SEMA4B: variants seen among roughly 807,000 people sequenced by gnomAD.
The protein encoded by SEMA4B is semaphorin-4B.
A neutral mutation model predicts 88.1 loss-of-function variants in SEMA4B; 55 were observed. The observed-to-expected ratio is 0.62, with a 90% confidence interval of 0.50 to 0.78. SEMA4B has a LOEUF of 0.78. Ranked by LOEUF, SEMA4B falls within the 30% of genes least tolerant of loss-of-function variation. SEMA4B has a pLI of 0.00. For missense variants in SEMA4B, 1,062 were observed against 1,111.9 expected (o/e 0.96, Z 0.64); for synonymous variants, 525 against 473.6 (o/e 1.11, Z -1.41).
At chr15:90,202,829 G>T (rs1406222102) in intron 1 of SEMA4B, among the ~76,000 whole-genome samples, 1 of 152,182 alleles carries the variant, frequency 6.6e-6, no homozygotes, top group Non-Finnish European at 1.5e-5. Flanking sequence ...TCTCCTCACA[G>T]CATCCCCACC....
At position 90,225,402 on chromosome 15, in the gene SEMA4B, GC is replaced by G; in HGVS notation, c.1521+6del. The stretch of plus-strand genomic sequence containing the variant: ...CTGCTCCTGGACACCCACAGGGTGA[GC>G]AGGCCAACGAGGAATCCTGGCAGGG... On this transcript the variant is annotated splice_donor_region_variant and intron_variant, in intron 11 of 13. Coordinates refer to ENST00000411539, the MANE Select transcript of SEMA4B (RefSeq NM_198925.4). 1 of 1,548,986 alleles carries G rather than the reference GC, an allele frequency of 6.5e-7. No individual in the cohort carries two copies. Among genetic ancestry groups the G allele is most frequent in the South Asian group, 1.2e-5 (1 of 83,978 alleles).
chr15:90,185,170 C>A, intron 1 of SEMA4B: 1 of 712,454 alleles, frequency 1.4e-6, no homozygotes, highest in Non-Finnish European at 1.7e-6. Flanking sequence ...GCTGCCCCCA[C>A]CCTTGCACCC....
chr15:90,201,810 C>T (rs1159131108), intron 1 of SEMA4B, 75 bp downstream of exon 1: 1 of 1,331,540 alleles, frequency 7.5e-7, no homozygotes, highest in Non-Finnish European at 9.7e-7. Context: ...CGGAGGTGGC[C>T]GTGACAAAGG....
At chr15:90,185,271 G>C (rs1329434539) in intron 1 of SEMA4B, among the ~76,000 whole-genome samples, 1 of 152,256 alleles carries the variant, frequency 6.6e-6, no homozygotes, top group Non-Finnish European at 1.5e-5. Flanking sequence ...CTGTTGCCAT[G>C]GCAGCGCAGG....
intron 1 of SEMA4B, among the ~76,000 whole-genome samples, chr15:90,206,040 C>T (rs561704819): frequency 1.8e-4 from 28 of 152,312 alleles, no homozygotes; most frequent in Admixed American, 5.9e-4. Flanking sequence ...CCCAGGAGAG[C>T]GCTAAACTTG....
intron 1 of SEMA4B, 177 bp from the exon 2 acceptor site, chr15:90,217,262 A>G (rs1213628555): frequency 2.1e-5 from 12 of 571,392 alleles, no homozygotes; most frequent in Non-Finnish European, 3.7e-5. Flanking sequence ...GTAATGTTTG[A>G]GAGTCCAGGA....
chr15:90,227,489 G>T (rs2151629148), intron 12 of SEMA4B, 68 bp from the exon 13 acceptor site: 1 of 1,479,740 alleles, frequency 6.8e-7, no homozygotes, highest in East Asian at 2.3e-5. Flanking sequence ...CAAGTCTGCA[G>T]TGAGGGGTGA....
At chr15:90,214,420 A>C (rs1283711585) in intron 1 of SEMA4B, among the ~76,000 whole-genome samples, 1 of 151,348 alleles carries the variant, frequency 6.6e-6, no homozygotes, top group Non-Finnish European at 1.5e-5. Flanking sequence ...GGTGGATCAC[A>C]TGAGGTCAGG....
rs557354633 is a variant in SEMA4B, at chr15:90,226,278, T to C, written c.1688+451T>C. On this transcript the variant is annotated intron_variant, in intron 12 of 13. Coordinates refer to ENST00000411539, the MANE Select transcript of SEMA4B (RefSeq NM_198925.4). ...AGAGAATCGCAGTGAGATTTTGATA[T>C]ATTATCCTCTCAGGTTTTACTACAT... 5.9e-5 allele frequency among the ~76,000 whole-genome samples: 9 copies of C among 152,334 alleles called. No individual in the cohort carries two copies. The East Asian group carries it at 1.3e-3, about 23-fold the overall frequency.
intron 7 of SEMA4B, among the ~76,000 whole-genome samples, chr15:90,222,661 G>T (rs1961920740): frequency 6.6e-6 from 1 of 152,122 alleles, no homozygotes; most frequent in South Asian, 2.1e-4. Flanking sequence ...CACAGACCCT[G>T]GAGGCCAACT....
In SEMA4B at chr15:90,228,754, C is replaced by T. The variant is rs1383544032; in HGVS notation, c.*111C>T. 6.9e-6 allele frequency: 10 copies of T among 1,451,002 alleles called. No individual in the cohort carries two copies. The highest frequency in any genetic ancestry group is 4.2e-5 in the African/African-American group (3 of 71,630). The allele number at this position is 1,451,002 out of a possible 1,614,324, so 89.9% of individuals were successfully genotyped here. On this transcript the variant is annotated 3_prime_UTR_variant, in exon 14 of 14. Coordinates refer to ENST00000411539, the MANE Select transcript of SEMA4B (RefSeq NM_198925.4). ...CTTCGTGGAACACGACCGTGGTGCC[C>T]GGCCCTTGGGAGCCTTGGGGCCAGC...
intron 1 of SEMA4B, among the ~76,000 whole-genome samples, chr15:90,196,315 A>G (rs956944058): frequency 6.6e-5 from 10 of 152,092 alleles, no homozygotes; most frequent in African/African-American, 2.4e-4. Context: ...CTAATTGGTT[A>G]AGATTGAGGC....
chr15:90,198,968 G>A (rs1366410399), upstream of SEMA4B, among the ~76,000 whole-genome samples: 8 of 152,214 alleles, frequency 5.3e-5, no homozygotes, highest in East Asian at 1.2e-3. Context: ...CCCAGGCCCC[G>A]GTTCAAGCAA....
intron 7 of SEMA4B, among the ~76,000 whole-genome samples, chr15:90,222,291 C>T (rs1223991593): frequency 4.8e-5 from 7 of 146,132 alleles, no homozygotes; most frequent in East Asian, 2.1e-4. Context: ...TGAAAATAGC[C>T]GGGCATGGTG....
chr15:90,201,808 G>A, intron 1 of SEMA4B, 73 bp downstream of exon 1: 1 of 1,343,968 alleles, frequency 7.4e-7, no homozygotes, highest in South Asian at 1.7e-5. Context: ...TGCGGAGGTG[G>A]CCGTGACAAA....
chr15:90,193,188 C>T (rs1390413821), intron 1 of SEMA4B: 2 of 152,266 alleles, frequency 1.3e-5, no homozygotes, highest in Non-Finnish European at 2.9e-5. Context: ...CGCCAACATC[C>T]AAGAGTGGCA....
chr15:90,209,920 T>C (rs1173052279), intron 1 of SEMA4B, among the ~76,000 whole-genome samples: 3 of 152,120 alleles, frequency 2.0e-5, no homozygotes, highest in African/African-American at 2.4e-5. Flanking sequence ...AGTTAGGAGC[T>C]TGGACGACGG....
chr15:90,227,468 T>G lies in SEMA4B; in HGVS notation c.1689-89T>G, dbSNP rs1041229675. 4 of 1,222,826 alleles carry G rather than the reference T, an allele frequency of 3.3e-6. No individual in the cohort carries two copies. The African/African-American group carries it at 5.9e-5, about 18-fold the overall frequency. The allele number at this position is 1,222,826 out of a possible 1,614,324, so 75.7% of individuals were successfully genotyped here. A position where few individuals can be genotyped will look rare whatever the true frequency, so the allele number is the denominator to read the frequency against. ...TGGGGAATCAGCTCAGGAAAGGCCC[T>G]TGCCCAGGCCCAAGTCTGCAGTGAG... is the stretch of plus-strand genomic sequence containing the variant. On this transcript the variant is annotated intron_variant, in intron 12 of 13. Coordinates refer to ENST00000411539, the MANE Select transcript of SEMA4B (RefSeq NM_198925.4).
intron 1 of SEMA4B, chr15:90,206,812 CAAAAG>C (rs1961013840): frequency 2.7e-6 from 2 of 731,872 alleles, no homozygotes; most frequent in Non-Finnish European, 4.9e-6. Context: ...AGGTTGATGA[CAAAAG>C]AAACTGGGGG....
Sources: gnomAD v4.1 joint callset for allele counts (sites outside exome capture counted in the v4.1 genomes callset) on GRCh38, gnomAD v4.1.1 for gene constraint, MANE v1.5 for transcripts, NCBI Gene and HGNC (gene_info 2026-07-23, HGNC 2026-07-21) for gene names.